Variants in PTPRG observed in about 807,000 individuals in gnomAD.
PTPRG encodes protein tyrosine phosphatase receptor type G.
PTPRG carries 102 observed loss-of-function variants against 165.3 expected under a neutral mutation model. That is an observed-to-expected ratio of 0.62 (90% CI 0.53 to 0.73). PTPRG has a LOEUF of 0.73. PTPRG is among the 30% of genes least tolerant of loss of function. The pLI is 0.00. For missense variants in PTPRG, 1,866 were observed against 1,861.4 expected (o/e 1.00, Z -0.05); for synonymous variants, 675 against 669.5 (o/e 1.01, Z -0.13).
intron 1 of PTPRG, among the ~76,000 whole-genome samples, chr3:61,675,356 C>A (rs181029761): frequency 5.9e-4 from 90 of 152,130 alleles, no homozygotes; most frequent in African/African-American, 2.1e-3. Context: ...TAGTGGAAGT[C>A]ATGGTTGAGG....
rs141428834 is a variant in PTPRG, at chr3:62,208,401, C to G, written c.2155+4451C>G. ...TCATCTACAAATTCATCATTTGGTG[C>G]TGGGATTTTCCATTTTTGTTTCCTT... On this transcript the variant is annotated intron_variant, in intron 12 of 29. Coordinates refer to ENST00000474889, the MANE Select transcript of PTPRG (RefSeq NM_002841.4). Among the ~76,000 whole-genome samples the G allele has an allele frequency of 3.5e-3, 533 of 152,278 alleles. 1 individual carries two copies. Among genetic ancestry groups the G allele is most frequent in the Middle Eastern group, 0.014 (4 of 294 alleles).
intron 3 of PTPRG, among the ~76,000 whole-genome samples, chr3:61,997,073 A>C (rs190620091): frequency 6.6e-6 from 1 of 152,320 alleles, no homozygotes; most frequent in African/African-American, 2.4e-5. Flanking sequence ...AGTGTTAACT[A>C]ATCCACCTTG....
At chr3:62,150,555 A>G (rs1488379720) in intron 6 of PTPRG, among the ~76,000 whole-genome samples, 3 of 152,142 alleles carry the variant, frequency 2.0e-5, no homozygotes, top group African/African-American at 4.8e-5. Context: ...TAATGACTTA[A>G]TGCCCAATTC....
chr3:62,282,815 A>G lies in PTPRG; in HGVS notation c.4001A>G (p.Asn1334Ser), dbSNP rs1389163788. Residue 1334 changes from asparagine (N) to serine (S), a missense_variant, in exon 28 of 30, where the codon AAC becomes AGC. Physicochemically the swap from Asn to Ser is conservative, Grantham distance 46. Coordinates refer to ENST00000474889, the MANE Select transcript of PTPRG (RefSeq NM_002841.4). ...APISSTFELI[N>S]VIKEEALTRD... ...ATAAGTAGTACCTTTGAACTTATCAACGTCATCAAGGAAGAGGCCTTAACA... is the reference window on the plus strand; with the variant it reads ...ATAAGTAGTACCTTTGAACTTATCAGCGTCATCAAGGAAGAGGCCTTAACA... 1.9e-6 allele frequency: 3 copies of G among 1,611,992 alleles called. No individual in the cohort carries two copies. The highest frequency in any genetic ancestry group is 2.2e-5 in the South Asian group (2 of 90,882).
intron 5 of PTPRG, among the ~76,000 whole-genome samples, chr3:62,114,317 A>C (rs888282164): frequency 7.5e-5 from 11 of 146,124 alleles, no homozygotes; most frequent in Admixed American, 1.4e-4. Context: ...ACAAACAAAC[A>C]AAAAAAAAAC....
intron 2 of PTPRG, among the ~76,000 whole-genome samples, chr3:61,984,107 A>G (rs972614929): frequency 6.6e-6 from 1 of 152,128 alleles, no homozygotes; most frequent in Non-Finnish European, 1.5e-5. Flanking sequence ...CAATTGTGTG[A>G]TTTATTCTCC....
rs527622646 is a variant in PTPRG at position 62,179,692 on chromosome 3, C to A, written c.1033+11529C>A. Among the ~76,000 whole-genome samples, 22 of 152,368 alleles carry A rather than the reference C, an allele frequency of 1.4e-4. No individual in the cohort carries two copies. In the South Asian group the frequency reaches 4.1e-3, roughly 29 times the overall value. ...CACTTGGGCCCACTCTCGGGCAGTG[C>A]CTGCCCATAGCCTGGTCTCTCCATC... On this transcript the variant is annotated intron_variant, in intron 8 of 29. Transcript: ENST00000474889.
At chr3:61,931,288 G>A (rs564641062) in intron 2 of PTPRG, among the ~76,000 whole-genome samples, 2 of 152,346 alleles carry the variant, frequency 1.3e-5, no homozygotes, top group African/African-American at 4.8e-5. Context: ...ACCCTCAACA[G>A]TTCTGCTTAA....
At chr3:61,927,737 T>A (rs904325659) in intron 2 of PTPRG, among the ~76,000 whole-genome samples, 9 of 152,224 alleles carry the variant, frequency 5.9e-5, no homozygotes, top group Non-Finnish European at 1.3e-4. Flanking sequence ...ATGTTGCTGC[T>A]TTATAAAATT....
chr3:61,970,962 G>A (rs2040367828), intron 2 of PTPRG, among the ~76,000 whole-genome samples: 1 of 152,182 alleles, frequency 6.6e-6, no homozygotes, highest in South Asian at 2.1e-4. Context: ...ATTTAAGAGT[G>A]TAATATTGCT....
chr3:61,983,119 A>G (rs2040678052), intron 2 of PTPRG, among the ~76,000 whole-genome samples: 2 of 152,202 alleles, frequency 1.3e-5, no homozygotes, highest in Non-Finnish European at 2.9e-5. Flanking sequence ...AATAAAGTAA[A>G]AATAGTGGCA....
At chr3:61,721,670 CT>C (rs894596043) in intron 1 of PTPRG, among the ~76,000 whole-genome samples, 3 of 151,958 alleles carry the variant, frequency 2.0e-5, no homozygotes, top group Non-Finnish European at 4.4e-5. Flanking sequence ...TCCTGGAGAA[CT>C]TTTTTTTCCC....
chr3:61,682,686 C>T (rs1384881712), intron 1 of PTPRG, among the ~76,000 whole-genome samples: 1 of 152,186 alleles, frequency 6.6e-6, no homozygotes, highest in Non-Finnish European at 1.5e-5. Context: ...AACTTCCTTG[C>T]CCAGCTTTCA....
intron 2 of PTPRG, among the ~76,000 whole-genome samples, chr3:61,916,278 G>A (rs2038933676): frequency 6.6e-6 from 1 of 152,142 alleles, no homozygotes; most frequent in Non-Finnish European, 1.5e-5. Flanking sequence ...TGTGTGTATA[G>A]AGCTACACTA....
chr3:62,231,536 T>G (rs1700901722), intron 14 of PTPRG, among the ~76,000 whole-genome samples: 1 of 152,142 alleles, frequency 6.6e-6, no homozygotes, highest in Non-Finnish European at 1.5e-5. Flanking sequence ...TTTGCTTTAT[T>G]TTGCAGTTTT....
At chr3:61,709,167 G>A (rs2031422116) in intron 1 of PTPRG, among the ~76,000 whole-genome samples, 1 of 152,222 alleles carries the variant, frequency 6.6e-6, no homozygotes, top group South Asian at 2.1e-4. Flanking sequence ...CTGAGGTAGA[G>A]CTTGCCTACT....
chr3:61,719,470 T>C (rs547713366), intron 1 of PTPRG, among the ~76,000 whole-genome samples: 1 of 152,182 alleles, frequency 6.6e-6, no homozygotes, highest in African/African-American at 2.4e-5. Flanking sequence ...GACTCTTGGC[T>C]CTCCCGGGTC....
chr3:61,844,658 CTT>C lies in PTPRG; in HGVS notation c.190+95688_190+95689del, dbSNP rs766696234. On this transcript the variant is annotated intron_variant, in intron 2 of 29. Transcript: ENST00000474889. Reference sequence around the variant, plus strand: ...TATAGGTGTACGCCGCCACATCTGGCTTTTTTTTTTTTTCCCCCTGTTTGGTA... The same window carrying C: ...TATAGGTGTACGCCGCCACATCTGGCTTTTTTTTTTTCCCCCTGTTTGGTA... Among the ~76,000 whole-genome samples, 117 of 138,998 alleles carry C rather than the reference CTT, an allele frequency of 8.4e-4. 2 individuals carry two copies. The highest frequency in any genetic ancestry group is 2.9e-3 in the African/African-American group (104 of 36,324). The allele number at this position is 138,998 out of a possible 152,430, so 91.2% of individuals were successfully genotyped here. A position where few individuals can be genotyped will look rare whatever the true frequency, so the allele number is the denominator to read the frequency against.
At chr3:62,056,429 T>A (rs938188817) in intron 4 of PTPRG, among the ~76,000 whole-genome samples, 3 of 152,148 alleles carry the variant, frequency 2.0e-5, no homozygotes, top group South Asian at 2.1e-4. Flanking sequence ...TTTTTTTTTT[T>A]AAGCACATCA....
Sources: gnomAD v4.1 joint callset for allele counts (sites outside exome capture counted in the v4.1 genomes callset) on GRCh38, gnomAD v4.1.1 for gene constraint, MANE v1.5 for transcripts, NCBI Gene and HGNC (gene_info 2026-07-23, HGNC 2026-07-21) for gene names.